CNTN4: variants seen among roughly 807,000 people sequenced by gnomAD.
CNTN4 encodes contactin 4, also known as contactin-4.
CNTN4 carries 77 observed loss-of-function variants against 122.5 expected under a neutral mutation model. That is an observed-to-expected ratio of 0.63 (90% confidence interval 0.52 to 0.76). CNTN4 has a LOEUF of 0.76. Ranked by LOEUF, CNTN4 falls within the 30% of genes least tolerant of loss-of-function variation. CNTN4 has a pLI of 0.00. For missense variants in CNTN4, 1,256 were observed against 1,259.1 expected (o/e 1.00, Z 0.04); for synonymous variants, 512 against 447.0 (o/e 1.15, Z -1.83).
intron 8 of CNTN4, among the ~76,000 whole-genome samples, chr3:2,880,912 G>A (rs942592493): frequency 6.6e-6 from 1 of 152,128 alleles, no homozygotes; most frequent in African/African-American, 2.4e-5. Context: ...TCAAGAATAG[G>A]TTGCTAGCCG....
intron 2 of CNTN4, among the ~76,000 whole-genome samples, chr3:2,309,351 A>C (rs544061546): frequency 6.6e-6 from 1 of 152,272 alleles, no homozygotes; most frequent in Non-Finnish European, 1.5e-5. Context: ...CTTTGAACCT[A>C]AAATATTTCA....
At chr3:2,100,036 CG>C (rs2031780220) in intron 1 of CNTN4, among the ~76,000 whole-genome samples, 1 of 152,170 alleles carries the variant, frequency 6.6e-6, no homozygotes, top group African/African-American at 2.4e-5. Context: ...GAAGATCAGG[CG>C]GTTGCTTGCT....
At chr3:2,582,126 A>G (rs774278072) in intron 4 of CNTN4, among the ~76,000 whole-genome samples, 3 of 152,228 alleles carry the variant, frequency 2.0e-5, no homozygotes, top group Non-Finnish European at 2.9e-5. Context: ...TGTACATTTT[A>G]AAAGGCTGAA....
chr3:2,912,434 A>C (rs937419682), intron 12 of CNTN4, among the ~76,000 whole-genome samples: 1 of 152,238 alleles, frequency 6.6e-6, no homozygotes, highest in African/African-American at 2.4e-5. Flanking sequence ...AGAAATGCTG[A>C]AGGGAGTCCT....
Position 2,736,301 on chromosome 3 carries a change from C to T in CNTN4, c.142C>T (p.Leu48Phe), listed in dbSNP as rs1229865716. The change falls in exon 5 of 25, where the codon CTC (leucine) becomes TTC (phenylalanine). Residue 48 changes from leucine to phenylalanine, a missense_variant. Physicochemically the swap from Leu to Phe is conservative, Grantham distance 22. Transcript: ENST00000418658. ...GGATTCTGAGGAGAAAAAAGTGAAG[C>T]TCAATTGTGAAGTTAAAGGAAATCC... The part of the protein sequence containing the change: ...PLDSEEKKVK[L>F]NCEVKGNPKP... 1.9e-6 allele frequency: 3 copies of T among 1,613,524 alleles called. No individual in the cohort carries two copies. In the African/African-American group the frequency reaches 4.0e-5, roughly 22 times the overall value.
intron 10 of CNTN4, among the ~76,000 whole-genome samples, chr3:2,900,375 T>C (rs1338521250): frequency 6.6e-6 from 1 of 152,096 alleles, no homozygotes; most frequent in Non-Finnish European, 1.5e-5. Context: ...TGGGAAGATA[T>C]TCTCTACTGA....
chr3:2,543,772 A>G (rs2078128026), intron 3 of CNTN4, among the ~76,000 whole-genome samples: 1 of 152,150 alleles, frequency 6.6e-6, no homozygotes, highest in Admixed American at 6.6e-5. Context: ...TATTTTCTCT[A>G]TTAGTTAATA....
At chr3:2,741,093 T>C (rs2149521188) in intron 5 of CNTN4, among the ~76,000 whole-genome samples, 1 of 152,330 alleles carries the variant, frequency 6.6e-6, no homozygotes, top group Non-Finnish European at 1.5e-5. Flanking sequence ...AGACAAAGTA[T>C]TTAAACCACT....
At chr3:2,537,427 C>T (rs985243286) in intron 3 of CNTN4, among the ~76,000 whole-genome samples, 3 of 152,036 alleles carry the variant, frequency 2.0e-5, no homozygotes, top group Non-Finnish European at 4.4e-5. Context: ...GTGATGTTGC[C>T]GTTTGTCACC....
At position 2,619,731 on chromosome 3, in the gene CNTN4, C is replaced by T. The variant is rs149620932; in HGVS notation, c.55+48173C>T. Among the ~76,000 whole-genome samples, 5 of 152,300 alleles carry T rather than the reference C, an allele frequency of 3.3e-5. No homozygotes were observed. The East Asian group carries it at 7.7e-4, about 24-fold the overall frequency. Reference sequence around the variant, plus strand: ...TTGCCTGACGAAGAACATGAGGGAACAAGCACTTTTTCCTTGAAATGTTTT... The same window carrying T: ...TTGCCTGACGAAGAACATGAGGGAATAAGCACTTTTTCCTTGAAATGTTTT... On this transcript the variant is annotated intron_variant, in intron 4 of 24. Transcript: ENST00000418658.
intron 13 of CNTN4, chr3:2,927,420 C>G (rs772049339): frequency 2.3e-6 from 1 of 438,108 alleles, no homozygotes; most frequent in Non-Finnish European, 4.6e-6. Flanking sequence ...CTTAAAGCCT[C>G]TACTTAGAAG....
intron 4 of CNTN4, chr3:2,735,937 A>G (rs1267400814): frequency 1.8e-6 from 1 of 560,216 alleles, no homozygotes; most frequent in Non-Finnish European, 3.5e-6. Context: ...CAATACATAG[A>G]AGAGAGAAAG....
intron 4 of CNTN4, among the ~76,000 whole-genome samples, chr3:2,661,835 C>A (rs1244085513): frequency 7.0e-6 from 1 of 143,566 alleles, no homozygotes; most frequent in Non-Finnish European, 1.5e-5. Flanking sequence ...AAAAAAAAAT[C>A]CTGCATCATC....
At chr3:2,993,979 G>A (rs1158886453) in intron 14 of CNTN4, among the ~76,000 whole-genome samples, 1 of 152,164 alleles carries the variant, frequency 6.6e-6, no homozygotes, top group East Asian at 1.9e-4. Flanking sequence ...TTGAGAGGGA[G>A]GAGGAAAATT....
chr3:2,206,846 C>T (rs1005815157), intron 2 of CNTN4, among the ~76,000 whole-genome samples: 9 of 148,216 alleles, frequency 6.1e-5, no homozygotes, highest in Admixed American at 1.3e-4. Context: ...CATCCGATTG[C>T]AGTTTGCATT....
At chr3:2,428,306 G>T (rs1226255658) in intron 3 of CNTN4, among the ~76,000 whole-genome samples, 1 of 152,134 alleles carries the variant, frequency 6.6e-6, no homozygotes, top group Non-Finnish European at 1.5e-5. Context: ...GTCTGTAAAG[G>T]ATTTTATTTC....
At chr3:2,986,864 G>A (rs1229243553) in intron 13 of CNTN4, among the ~76,000 whole-genome samples, 3 of 152,180 alleles carry the variant, frequency 2.0e-5, no homozygotes, top group African/African-American at 4.8e-5. Flanking sequence ...AGGTTCAGTC[G>A]TAAGACAGAC....
intron 2 of CNTN4, among the ~76,000 whole-genome samples, chr3:2,230,197 G>C (rs558588018): frequency 6.6e-6 from 1 of 152,284 alleles, no homozygotes; most frequent in African/African-American, 2.4e-5. Flanking sequence ...TGGTATTTTT[G>C]CTCCAGTTTG....
chr3:2,977,135 G>A (rs1215012384), intron 13 of CNTN4, among the ~76,000 whole-genome samples: 1 of 152,108 alleles, frequency 6.6e-6, no homozygotes. Context: ...TATTTCTTGG[G>A]CATTGTATTC....
Sources: allele counts gnomAD v4.1 joint callset (sites outside exome capture counted in the v4.1 genomes callset), GRCh38; gene constraint gnomAD v4.1.1; transcripts MANE v1.5; gene names NCBI Gene and HGNC (gene_info 2026-07-23, HGNC 2026-07-21).